Variants in LRRC8C observed in about 807,000 individuals in gnomAD.
The protein encoded by LRRC8C is leucine rich repeat containing 8 VRAC subunit C.
A neutral mutation model predicts 55.3 loss-of-function variants in LRRC8C; 20 were observed. The observed-to-expected ratio is 0.36, with a 90% CI of 0.25 to 0.53. LRRC8C has a LOEUF of 0.53. Ranked by LOEUF, LRRC8C falls within the 20% of genes least tolerant of loss-of-function variation. The pLI, the probability that LRRC8C is intolerant of heterozygous loss-of-function variation, is 0.92. For missense variants in LRRC8C, 659 were observed against 951.4 expected (o/e 0.69, Z 4.04); for synonymous variants, 376 against 360.7 (o/e 1.04, Z -0.48).
Position 89,716,605 on chromosome 1 carries a change from C to G in LRRC8C, c.*1623C>G, listed in dbSNP as rs1258395825. On this transcript the variant is annotated 3_prime_UTR_variant, in exon 3 of 3. Transcript: ENST00000370454. ...ATGTAGAACAGGAAAATGAAATACA[C>G]TATTTGTGCCCTTGACCTAGAACCA... is the stretch of plus-strand genomic sequence containing the variant. The G allele has an allele frequency of 6.6e-6, 1 of 152,134 alleles. No homozygotes were observed. Among genetic ancestry groups the G allele is most frequent in the Non-Finnish European group, 1.5e-5 (1 of 68,028 alleles). 9.4% of individuals were successfully genotyped at this position (152,134 alleles called of 1,614,324 possible). A position where few individuals can be genotyped will look rare whatever the true frequency, so the allele number is the denominator to read the frequency against.
the LRRC8C span, chr1:89,626,258 A>T: frequency 6.6e-6 from 1 of 152,210 alleles, no homozygotes; most frequent in Admixed American, 6.5e-5. Flanking sequence ...TATAGCAAAA[A>T]ACTCCTATAT....
chr1:89,655,883 A>G (rs932763811), intron 1 of LRRC8C, among the ~76,000 whole-genome samples: 2 of 152,230 alleles, frequency 1.3e-5, no homozygotes, highest in African/African-American at 4.8e-5. Flanking sequence ...TCCTTTAAGG[A>G]CACAACTCCA....
chr1:89,699,048 A>T (rs1231242770), intron 2 of LRRC8C, among the ~76,000 whole-genome samples: 1 of 151,202 alleles, frequency 6.6e-6, no homozygotes, highest in Non-Finnish European at 1.5e-5. Context: ...TGCTAAAAAT[A>T]AAAAATAAAA....
At chr1:89,629,536 G>A (rs947359103), upstream of LRRC8C, among the ~76,000 whole-genome samples, 1 of 152,156 alleles carries the variant, frequency 6.6e-6, no homozygotes, top group African/African-American at 2.4e-5. Flanking sequence ...AATTTAGTAT[G>A]AATTATTTAT....
At chr1:89,685,949 C>G in intron 1 of LRRC8C, among the ~76,000 whole-genome samples, 1 of 151,706 alleles carries the variant, frequency 6.6e-6, no homozygotes, top group Non-Finnish European at 1.5e-5. Flanking sequence ...CGTGGAAACA[C>G]TGTTTTCCTT....
intron 1 of LRRC8C, among the ~76,000 whole-genome samples, chr1:89,682,810 A>T (rs1018624495): frequency 9.2e-5 from 14 of 152,262 alleles, no homozygotes; most frequent in Non-Finnish European, 2.1e-4. Flanking sequence ...AAGAATACAC[A>T]AAGCACTTCT....
chr1:89,671,524 G>T (rs1167843607), intron 1 of LRRC8C, among the ~76,000 whole-genome samples: 3 of 152,178 alleles, frequency 2.0e-5, no homozygotes, highest in Admixed American at 6.5e-5. Context: ...TAAAGACATG[G>T]TTGACCCACA....
intron 1 of LRRC8C, among the ~76,000 whole-genome samples, chr1:89,638,912 T>G (rs768571131): frequency 2.0e-5 from 3 of 151,974 alleles, no homozygotes; most frequent in Non-Finnish European, 4.4e-5. Context: ...GAGTATAAAT[T>G]GGTATGTCTC....
chr1:89,649,243 T>G, intron 1 of LRRC8C, among the ~76,000 whole-genome samples: 1 of 152,224 alleles, frequency 6.6e-6, no homozygotes, highest in East Asian at 1.9e-4. Flanking sequence ...CTAATTTGTC[T>G]AAGCATTAAT....
intron 1 of LRRC8C, among the ~76,000 whole-genome samples, chr1:89,647,054 T>C (rs1656632955): frequency 6.6e-6 from 1 of 152,188 alleles, no homozygotes; most frequent in Non-Finnish European, 1.5e-5. Flanking sequence ...ATATTTTACC[T>C]GTTAATTTAT....
chr1:89,640,105 C>T (rs1255423533), intron 1 of LRRC8C, among the ~76,000 whole-genome samples: 1 of 152,210 alleles, frequency 6.6e-6, no homozygotes, highest in Admixed American at 6.5e-5. Flanking sequence ...TGCTGTGTTG[C>T]CCAGGCTAGA....
chr1:89,698,605 A>G (rs769024122), intron 2 of LRRC8C, among the ~76,000 whole-genome samples: 3 of 152,180 alleles, frequency 2.0e-5, no homozygotes, highest in Admixed American at 6.5e-5. Context: ...AAACCTGTAT[A>G]AAAGTACCAT....
rs780240679 is a variant in LRRC8C, at chr1:89,686,521, C to G, written c.48C>G (p.Ala16=). The G allele has an allele frequency of 1.1e-5, 18 of 1,614,094 alleles. No individual in the cohort carries two copies. In the African/African-American group the frequency reaches 2.4e-4, roughly 22 times the overall value. Residue 16 remains alanine (A), a synonymous_variant, in exon 2 of 3, where the codon GCC becomes GCG. Coordinates refer to ENST00000370454, the MANE Select transcript of LRRC8C (RefSeq NM_032270.5). ...GGCAGTTCTCTGAGCAGCAGCCTGC[C>G]TTCCGAGTGCTGAAGCCATGGTGGG... ...EFRQFSEQQP[A]FRVLKPWWDV... is the part of the protein sequence containing the mutation.
chr1:89,616,601 CTT>C, the LRRC8C span, among the ~76,000 whole-genome samples: 1 of 152,186 alleles, frequency 6.6e-6, no homozygotes, highest in African/African-American at 2.4e-5. Context: ...TCTAGTCTAA[CTT>C]GAGTGTCGAT....
rs187703086 is a variant in LRRC8C at position 89,694,967 on chromosome 1, G to A, written c.138+8356G>A. ...GATACAGAGTCTCACTGTCGCCCAG[G>A]CTGGAGTGCAGTGGCTCAATCTTGG... On this transcript the variant is annotated intron_variant, in intron 2 of 2. Transcript: ENST00000370454. Among the ~76,000 whole-genome samples, 643 of 149,778 alleles carry A rather than the reference G, an allele frequency of 4.3e-3. 25 individuals are homozygous for A. Among genetic ancestry groups the A allele is most frequent in the Admixed American group, 0.04 (599 of 15,064 alleles).
At chr1:89,627,494 C>T in the LRRC8C span, among the ~76,000 whole-genome samples, 7 of 152,136 alleles carry the variant, frequency 4.6e-5, no homozygotes, top group African/African-American at 7.2e-5. Flanking sequence ...GCTGTAAAAC[C>T]AGCTCATGAA....
At chr1:89,710,899 T>C (rs755898859) in intron 2 of LRRC8C, among the ~76,000 whole-genome samples, 1 of 152,230 alleles carries the variant, frequency 6.6e-6, no homozygotes, top group Non-Finnish European at 1.5e-5. Flanking sequence ...GATTCTGAGC[T>C]AGATGACATT....
intron 1 of LRRC8C, among the ~76,000 whole-genome samples, chr1:89,685,949 CTG>C (rs1557661227): frequency 6.6e-6 from 1 of 151,706 alleles, no homozygotes; most frequent in Non-Finnish European, 1.5e-5. Context: ...CGTGGAAACA[CTG>C]TTTTCCTTTC....
chr1:89,627,524 T>G, the LRRC8C span, among the ~76,000 whole-genome samples: 133 of 152,244 alleles, frequency 8.7e-4, no homozygotes, highest in South Asian at 2.7e-3. Flanking sequence ...GGGATATGAG[T>G]ACACTAGTGG....
Sources: gnomAD v4.1 joint callset for allele counts (sites outside exome capture counted in the v4.1 genomes callset) on GRCh38, gnomAD v4.1.1 for gene constraint, MANE v1.5 for transcripts, NCBI Gene and HGNC (gene_info 2026-07-23, HGNC 2026-07-21) for gene names.